Variants in DRD3 observed in about 807,000 individuals in gnomAD.
DRD3 encodes D(3) dopamine receptor.
Under a neutral mutation model 36.3 loss-of-function variants are expected in DRD3, and 19 were observed. The ratio of observed to expected loss-of-function variants is 0.52; its 90% CI spans 0.36 to 0.77. The LOEUF is 0.77. Among genes scored for constraint, DRD3 ranks in the 30% least tolerant of loss-of-function variants. The pLI, the probability that DRD3 is intolerant of heterozygous loss-of-function variation, is 0.00. For missense variants in DRD3, 465 were observed against 505.3 expected, an observed-to-expected ratio of 0.92 and a Z score of 0.77; for synonymous variants, 195 against 203.7, an observed-to-expected ratio of 0.96 and a Z score of 0.36.
intron 1 of DRD3, among the ~76,000 whole-genome samples, chr3:114,194,324 C>T (rs2107907189): frequency 6.6e-6 from 1 of 152,162 alleles, no homozygotes; most frequent in Admixed American, 6.5e-5. Context: ...AGTCCATCAC[C>T]CAGGCTGGAG....
intron 1 of DRD3, 37 bp from the exon 2 acceptor site, chr3:114,172,064 A>C: frequency 7.5e-7 from 1 of 1,328,196 alleles, no homozygotes; most frequent in South Asian, 2.2e-5. Context: ...ATAAAATCAG[A>C]CTCTTTGGGG....
chr3:114,137,829 A>G (rs2077487359), intron 5 of DRD3, among the ~76,000 whole-genome samples: 1 of 37,234 alleles, frequency 2.7e-5, no homozygotes, highest in Admixed American at 5.0e-4. Flanking sequence ...GTCTCTACTA[A>G]AAATACAAAA....
At chr3:114,197,956 GCTT>G (rs1226210830) in intron 1 of DRD3, among the ~76,000 whole-genome samples, 2 of 152,194 alleles carry the variant, frequency 1.3e-5, no homozygotes, top group Middle Eastern at 3.4e-3. Flanking sequence ...TTTAAAACCA[GCTT>G]CTTATTTTCT....
chr3:114,139,672 G>T lies in DRD3; in HGVS notation c.551C>A (p.Ser184Tyr). ...TTGDPTVCSI[S>Y]NPDFVIYSSV... ...AGAGTAGATGACAAAATCAGGGTTG[G>T]AGATGGAGCAGACAGTGGGGTCCCC... Residue 184 changes from serine (S) to tyrosine (Y), a missense_variant, in exon 5 of 7, where the codon TCC (serine) becomes TAC (tyrosine). Ser to Tyr is a moderately radical substitution (Grantham distance 144). Transcript: ENST00000383673. 1 of 1,614,152 alleles carries T rather than the reference G, an allele frequency of 6.2e-7. No individual in the cohort carries two copies. Among genetic ancestry groups the T allele is most frequent in the Non-Finnish European group, 8.5e-7 (1 of 1,180,008 alleles).
intron 1 of DRD3, chr3:114,176,284 T>C (rs139407376): frequency 1.2e-4 from 19 of 152,284 alleles, no homozygotes; most frequent in East Asian, 1.9e-4. Context: ...TTAATACTTA[T>C]AGCAGCATGG....
upstream of DRD3, among the ~76,000 whole-genome samples, chr3:114,181,301 G>A (rs2077946411): frequency 6.6e-6 from 1 of 152,174 alleles, no homozygotes; most frequent in South Asian, 2.1e-4. Flanking sequence ...AGCTGTCTCT[G>A]GTAGACTCCT....
At chr3:114,166,680 C>T (rs2077788264) in intron 2 of DRD3, among the ~76,000 whole-genome samples, 1 of 152,184 alleles carries the variant, frequency 6.6e-6, no homozygotes, top group Non-Finnish European at 1.5e-5. Context: ...TGGATTAACA[C>T]ACCCCCTAAT....
rs1232642575 is a variant in DRD3, at chr3:114,171,915, G to A, written c.78C>T (p.Ala26=). 2.5e-6 allele frequency: 4 copies of A among 1,605,914 alleles called. No individual in the cohort carries two copies. Among genetic ancestry groups the A allele is most frequent in the Non-Finnish European group, 3.4e-6 (4 of 1,175,762 alleles). ...GAENSTGASQ[A]RPHAYYALSY... is the part of the protein sequence containing the mutation. ...AGAGGGCATAGTAGGCATGTGGGCG[G>A]GCCTGGCTGGCACCTGTGGAGTTCT... The change falls in exon 2 of 7, where the codon GCC becomes GCT. Residue 26 remains alanine, a synonymous_variant. Coordinates refer to ENST00000383673, the MANE Select transcript of DRD3 (RefSeq NM_000796.6).
upstream of DRD3, among the ~76,000 whole-genome samples, chr3:114,181,879 C>T (rs780371818): frequency 1.3e-4 from 20 of 152,320 alleles, no homozygotes; most frequent in Non-Finnish European, 2.1e-4. Flanking sequence ...CCATTGAGTA[C>T]ACCACTTTAA....
chr3:114,128,675 A>C lies in DRD3; in HGVS notation c.*41T>G, dbSNP rs1559977676. On this transcript the variant is annotated 3_prime_UTR_variant, in exon 7 of 7. Coordinates refer to ENST00000383673, the MANE Select transcript of DRD3 (RefSeq NM_000796.6). ...TTTCTGAGTGGGCCAACAGCCTGGCAGCTAGAAATGGGTACAAAGAGTGTT... is the reference window on the plus strand; with the variant it reads ...TTTCTGAGTGGGCCAACAGCCTGGCCGCTAGAAATGGGTACAAAGAGTGTT... 1 of 1,518,784 alleles carries C rather than the reference A, an allele frequency of 6.6e-7. No homozygotes were observed. 94.1% of individuals were successfully genotyped at this position (1,518,784 alleles called of 1,614,324 possible).
chr3:114,143,052 G>A (rs888543395), intron 4 of DRD3, among the ~76,000 whole-genome samples: 1 of 152,210 alleles, frequency 6.6e-6, no homozygotes, highest in African/African-American at 2.4e-5. Flanking sequence ...TCTCTGCTGT[G>A]TACCAAAGAG....
chr3:114,167,082 T>C (rs944622792), intron 2 of DRD3, among the ~76,000 whole-genome samples: 2 of 152,192 alleles, frequency 1.3e-5, no homozygotes, highest in Non-Finnish European at 2.9e-5. Context: ...CCCAAAATTT[T>C]GCTATTCTTT....
intron 3 of DRD3, among the ~76,000 whole-genome samples, chr3:114,153,229 C>T (rs1187225284): frequency 6.6e-6 from 1 of 150,862 alleles, no homozygotes; most frequent in East Asian, 2.0e-4. Context: ...CCCGAAAAGG[C>T]TGTAATGAAT....
intron 1 of DRD3, among the ~76,000 whole-genome samples, chr3:114,173,154 A>T (rs1277691044): frequency 6.6e-6 from 1 of 152,128 alleles, no homozygotes; most frequent in African/African-American, 2.4e-5. Context: ...ACATAGTGAA[A>T]AGACAGCCAT....
intron 2 of DRD3, among the ~76,000 whole-genome samples, chr3:114,169,821 A>G (rs368120285): frequency 6.6e-6 from 1 of 152,198 alleles, no homozygotes; most frequent in South Asian, 2.1e-4. Flanking sequence ...AAACCAGTAC[A>G]TACAGATGTT....
upstream of DRD3, among the ~76,000 whole-genome samples, chr3:114,183,556 A>G (rs1273272459): frequency 1.3e-5 from 2 of 151,538 alleles, no homozygotes; most frequent in African/African-American, 4.8e-5. Flanking sequence ...AGAATTGTAT[A>G]TTTTTCTCTT....
chr3:114,171,544 G>A (rs1437278485), intron 2 of DRD3, among the ~76,000 whole-genome samples, 179 bp downstream of exon 2: 1 of 152,168 alleles, frequency 6.6e-6, no homozygotes, highest in Non-Finnish European at 1.5e-5. Flanking sequence ...GTGGATGAGG[G>A]ACAGGATGGT....
chr3:114,153,053 AC>A (rs2077633179), intron 3 of DRD3, among the ~76,000 whole-genome samples: 2 of 152,150 alleles, frequency 1.3e-5, no homozygotes, highest in Non-Finnish European at 2.9e-5. Context: ...GACTCCGCTG[AC>A]CCCAGCACTG....
intron 5 of DRD3, among the ~76,000 whole-genome samples, chr3:114,137,764 T>G (rs9837524): frequency 0.083 from 12,495 of 150,668 alleles, 1,117 homozygotes; most frequent in African/African-American, 0.23. Context: ...GGCCGAAGCG[T>G]GCGGATCACG....
Sources: gnomAD v4.1 joint callset for allele counts (sites outside exome capture counted in the v4.1 genomes callset) on GRCh38, gnomAD v4.1.1 for gene constraint, MANE v1.5 for transcripts, NCBI Gene and HGNC (gene_info 2026-07-23, HGNC 2026-07-21) for gene names.